MCM5: variants seen among roughly 807,000 people sequenced by gnomAD.
The protein encoded by MCM5 is DNA replication licensing factor MCM5.
In MCM5, 46 loss-of-function variants were observed where a neutral mutation model predicts 79.9. That is an observed-to-expected ratio of 0.58 (90% CI 0.45 to 0.74). MCM5 has a LOEUF of 0.74. MCM5 is among the 30% of genes least tolerant of loss of function. MCM5 has a pLI of 0.00. For synonymous variants in MCM5, 404 were observed against 390.5 expected (o/e 1.03, Z -0.41); for missense variants, 883 against 1,017.0 (o/e 0.87, Z 1.79).
In MCM5 at chr22:35,424,798, G is replaced by C. The variant is rs79501780; in HGVS notation, c.*543G>C. ...CTGTTCCCCAGTAACTTATTGGGGGGCTGCGAGCCGTGGTGCGGCGGTCAG... is the reference window on the plus strand; with the variant it reads ...CTGTTCCCCAGTAACTTATTGGGGGCCTGCGAGCCGTGGTGCGGCGGTCAG... On this transcript the variant is annotated 3_prime_UTR_variant, in exon 17 of 17. Coordinates refer to ENST00000216122, the MANE Select transcript of MCM5 (RefSeq NM_006739.4). 1 of 152,308 alleles carries C rather than the reference G, an allele frequency of 6.6e-6. No individual in the cohort carries two copies. The allele number at this position is 152,308 out of a possible 1,614,324, so 9.4% of individuals were successfully genotyped here.
At chr22:35,404,918 A>C (rs1022383407) in intron 4 of MCM5, among the ~76,000 whole-genome samples, 1 of 151,886 alleles carries the variant, frequency 6.6e-6, no homozygotes, top group South Asian at 2.1e-4. Context: ...TTTATGTTTT[A>C]CTTTTTATTA....
the MCM5 span, among the ~76,000 whole-genome samples, chr22:35,454,379 C>G: frequency 4.6e-5 from 7 of 152,186 alleles, no homozygotes; most frequent in Non-Finnish European, 7.3e-5. Flanking sequence ...GAGCATCCTC[C>G]GAGCACCTCC....
chr22:35,451,476 T>C, the MCM5 span, among the ~76,000 whole-genome samples: 1 of 152,246 alleles, frequency 6.6e-6, no homozygotes, highest in South Asian at 2.1e-4. Flanking sequence ...CGGTTGTTTC[T>C]GACAATTATT....
chr22:35,447,671 T>G, the MCM5 span, among the ~76,000 whole-genome samples: 1 of 152,104 alleles, frequency 6.6e-6, no homozygotes. Context: ...GTCACCATGT[T>G]GGCCGGGCTG....
the MCM5 span, among the ~76,000 whole-genome samples, chr22:35,452,726 C>A: frequency 6.6e-6 from 1 of 152,182 alleles, no homozygotes; most frequent in Non-Finnish European, 1.5e-5. Context: ...CAGTCCGACT[C>A]CTCCGCTGGG....
At chr22:35,408,668 G>C (rs1932290002) in intron 6 of MCM5, 105 bp downstream of exon 6, 8 of 1,258,018 alleles carry the variant, frequency 6.4e-6, no homozygotes, top group Non-Finnish European at 8.7e-6. Context: ...GGTGAGTAGG[G>C]TGGAGAAGGT....
chr22:35,446,222 C>T, the MCM5 span, among the ~76,000 whole-genome samples: 3 of 152,162 alleles, frequency 2.0e-5, no homozygotes, highest in Non-Finnish European at 4.4e-5. Context: ...ACGTCTTGAG[C>T]AGAAGGAACA....
rs1348223793 is a variant in MCM5, at chr22:35,421,333, T to C, written c.1848T>C (p.Ile616=). 1.2e-6 allele frequency: 2 copies of C among 1,613,328 alleles called. No homozygotes were observed. The highest frequency in any genetic ancestry group is 1.3e-5 in the African/African-American group (1 of 74,888). ...IPITVRQLEA[I]VRIAEALSKM... The stretch of plus-strand genomic sequence containing the variant: ...GCCCCCACAGGCAGCTGGAGGCCAT[T>C]GTGCGCATCGCGGAAGCCCTCAGCA... Residue 616 remains isoleucine (I), a synonymous_variant, in exon 15 of 17, where the codon ATT becomes ATC. Coordinates refer to ENST00000216122, the MANE Select transcript of MCM5 (RefSeq NM_006739.4).
chr22:35,435,165 G>C, the MCM5 span, among the ~76,000 whole-genome samples: 5 of 152,122 alleles, frequency 3.3e-5, no homozygotes, highest in African/African-American at 1.2e-4. Context: ...AAACAAAAAG[G>C]AATGAGGAGG....
At chr22:35,447,190 C>T in the MCM5 span, among the ~76,000 whole-genome samples, 2 of 151,906 alleles carry the variant, frequency 1.3e-5, no homozygotes, top group South Asian at 2.1e-4. Context: ...TGTGAGGATT[C>T]GACATGAAGC....
At chr22:35,420,431 A>AAG (rs1932667060) in intron 14 of MCM5, among the ~76,000 whole-genome samples, 1 of 152,236 alleles carries the variant, frequency 6.6e-6, no homozygotes, top group African/African-American at 2.4e-5. Context: ...TACAGTGGGT[A>AAG]AGAGTTGGGA....
chr22:35,430,637 G>A, the MCM5 span, among the ~76,000 whole-genome samples: 1 of 151,998 alleles, frequency 6.6e-6, no homozygotes, highest in Non-Finnish European at 1.5e-5. Flanking sequence ...CGAGTAGCTG[G>A]GACTACAGGC....
chr22:35,432,128 T>G, the MCM5 span, among the ~76,000 whole-genome samples: 1 of 152,240 alleles, frequency 6.6e-6, no homozygotes, highest in African/African-American at 2.4e-5. Flanking sequence ...TTATTGATAC[T>G]TTTAGTTCAT....
At chr22:35,433,214 G>C in the MCM5 span, among the ~76,000 whole-genome samples, 11 of 152,300 alleles carry the variant, frequency 7.2e-5, no homozygotes, top group East Asian at 2.1e-3. Context: ...GAGACTATAG[G>C]TATGAGCCAC....
At chr22:35,453,317 A>G in the MCM5 span, among the ~76,000 whole-genome samples, 1 of 146,882 alleles carries the variant, frequency 6.8e-6, no homozygotes, top group Non-Finnish European at 1.5e-5. Context: ...ACAGAGGGAC[A>G]GAGATAGAGA....
the MCM5 span, among the ~76,000 whole-genome samples, chr22:35,454,315 G>A: frequency 2.6e-5 from 4 of 152,104 alleles, no homozygotes; most frequent in Non-Finnish European, 5.9e-5. Context: ...CCACAGGGGC[G>A]TCCTGGGGAA....
At chr22:35,400,748 C>T (rs997919485) in intron 2 of MCM5, 143 bp downstream of exon 2, 2 of 818,166 alleles carry the variant, frequency 2.4e-6, no homozygotes, top group Non-Finnish European at 3.7e-6. Flanking sequence ...GGGCTCATCC[C>T]GGCAGCCTCA....
Position 35,403,294 on chromosome 22 carries a change from C to T in MCM5, c.255C>T (p.Ala85=), listed in dbSNP as rs752365284. Residue 85 remains alanine (A), a synonymous_variant, in exon 3 of 17, where the codon GCC becomes GCT. Coordinates refer to ENST00000216122, the MANE Select transcript of MCM5 (RefSeq NM_006739.4). ...TGGCCAGCTTTGATGAGGACCTGGC[C>T]GACTACTTGTACAAGCAGCCAGCCG... ...EDLASFDEDL[A]DYLYKQPAEH... 88 of 1,614,076 alleles carry T rather than the reference C, an allele frequency of 5.5e-5. No individual in the cohort carries two copies. The highest frequency in any genetic ancestry group is 2.2e-4 in the East Asian group (10 of 44,884).
At chr22:35,412,405 C>CCTAAGGGCT in intron 7 of MCM5, 105 bp from the exon 8 acceptor site, 1 of 959,278 alleles carries the variant, frequency 1.0e-6, no homozygotes, top group Non-Finnish European at 1.5e-6. Context: ...CCCTAAGGGC[C>CCTAAGGGCT]CTAAGGGCTC....
Sources: gnomAD v4.1 joint callset for allele counts (sites outside exome capture counted in the v4.1 genomes callset) on GRCh38, gnomAD v4.1.1 for gene constraint, MANE v1.5 for transcripts, NCBI Gene and HGNC (gene_info 2026-07-23, HGNC 2026-07-21) for gene names.